FREM1: variants seen among roughly 807,000 people sequenced by gnomAD.
The protein encoded by FREM1 is FRAS1-related extracellular matrix protein 1.
Under a neutral mutation model 210.1 loss-of-function variants are expected in FREM1, and 220 were observed. The ratio of observed to expected loss-of-function variants is 1.05; its 90% CI spans 0.94 to 1.17. The LOEUF (loss-of-function observed/expected upper bound fraction) is 1.17. Among genes scored for constraint, FREM1 ranks in the 50% most tolerant of loss-of-function variants. The pLI, the probability that FREM1 is intolerant of heterozygous loss-of-function variation, is 0.00. For missense variants in FREM1, 3,454 were observed against 2,675.5 expected, an observed-to-expected ratio of 1.29 and a Z score of -6.42; for synonymous variants, 1,189 against 980.2, an observed-to-expected ratio of 1.21 and a Z score of -3.98.
chr9:14,758,453 T>C (rs756058027), intron 28 of FREM1, among the ~76,000 whole-genome samples: 1 of 152,006 alleles, frequency 6.6e-6, no homozygotes, highest in Admixed American at 6.5e-5. Context: ...TGGAAAACTA[T>C]AGGGCATGCC....
At chr9:14,828,910 T>G (rs1348316808) in intron 10 of FREM1, among the ~76,000 whole-genome samples, 1 of 152,210 alleles carries the variant, frequency 6.6e-6, no homozygotes, top group Non-Finnish European at 1.5e-5. Context: ...TAGTCCTGAG[T>G]ATACCACTTA....
At chr9:14,889,758 C>T (rs563792551) in intron 1 of FREM1, among the ~76,000 whole-genome samples, 9 of 152,076 alleles carry the variant, frequency 5.9e-5, no homozygotes, top group Non-Finnish European at 7.4e-5. Flanking sequence ...TTAGGTTGTC[C>T]GGGGCCTTGT....
intron 24 of FREM1, among the ~76,000 whole-genome samples, chr9:14,776,880 T>A (rs1188597639): frequency 2.0e-5 from 3 of 152,206 alleles, no homozygotes. Flanking sequence ...TCTAATCTCT[T>A]ATGGTTTACA....
rs571655575 is a variant in FREM1 at position 14,874,890 on chromosome 9, T to C, written c.-267-5646A>G. The stretch of plus-strand genomic sequence containing the variant: ...GGTGACAAAATCTCTCAGCATTTGC[T>C]TGTCTGTAAAGTGTTTTATTTCTCC... On this transcript the variant is annotated intron_variant, in intron 1 of 36. Transcript: ENST00000380880. Among the ~76,000 whole-genome samples the C allele has an allele frequency of 3.9e-5, 6 of 152,322 alleles. No individual in the cohort carries two copies. The East Asian group carries it at 1.2e-3, about 29-fold the overall frequency.
intron 1 of FREM1, among the ~76,000 whole-genome samples, chr9:14,882,361 A>G (rs1288550164): frequency 1.3e-5 from 2 of 152,118 alleles, no homozygotes; most frequent in African/African-American, 4.8e-5. Context: ...GGAGATATCT[A>G]TTCTTATGGC....
intron 10 of FREM1, among the ~76,000 whole-genome samples, chr9:14,829,151 G>A (rs1588220947): frequency 6.6e-6 from 1 of 152,142 alleles, no homozygotes; most frequent in East Asian, 1.9e-4. Context: ...ATTAATGTTT[G>A]CAAACTGAGT....
At chr9:14,844,090 C>CT (rs138068707) in intron 8 of FREM1, among the ~76,000 whole-genome samples, 3,960 of 152,256 alleles carry the variant, frequency 0.026, 104 homozygotes, top group African/African-American at 0.06. Flanking sequence ...CAAAGTAAAG[C>CT]TTAATAAATG....
chr9:14,756,456 G>GA lies in FREM1; in HGVS notation c.5335-11dup, dbSNP rs140882884. On this transcript the variant is annotated splice_polypyrimidine_tract_variant and intron_variant, in intron 28 of 36. Transcript: ENST00000380880. ...CTGACACTTGGTTGACCTTAGGAGG[G>GA]AAAAAAAAATCTTTTTAAGATAAAA... 7,234 of 1,519,116 alleles carry GA rather than the reference G, an allele frequency of 4.8e-3. 263 individuals carry two copies. In the African/African-American group the frequency reaches 0.082, roughly 17 times the overall value. The allele number at this position is 1,519,116 out of a possible 1,614,324, so 94.1% of individuals were successfully genotyped here.
At chr9:14,767,076 G>A (rs1490092136) in intron 27 of FREM1, among the ~76,000 whole-genome samples, 5 of 152,044 alleles carry the variant, frequency 3.3e-5, no homozygotes, top group South Asian at 4.1e-4. Context: ...TTGTAGTATC[G>A]CTCCCATTTT....
intron 1 of FREM1, among the ~76,000 whole-genome samples, chr9:14,899,437 A>T (rs1838373187): frequency 6.6e-6 from 1 of 152,230 alleles, no homozygotes; most frequent in South Asian, 2.1e-4. Flanking sequence ...CAGTGGGATT[A>T]AACGTGCTTC....
chr9:14,841,201 T>C (rs1825644881), intron 10 of FREM1, among the ~76,000 whole-genome samples: 1 of 152,334 alleles, frequency 6.6e-6, no homozygotes, highest in Admixed American at 6.5e-5. Context: ...TGTGAGTTGC[T>C]CTACATAAAA....
At chr9:14,781,863 C>T (rs1004479880) in intron 24 of FREM1, among the ~76,000 whole-genome samples, 4 of 152,324 alleles carry the variant, frequency 2.6e-5, no homozygotes, top group African/African-American at 9.6e-5. Flanking sequence ...GCCACCACTC[C>T]CAACTAATTT....
At chr9:14,794,737 T>G (rs972553531) in intron 21 of FREM1, among the ~76,000 whole-genome samples, 1 of 152,114 alleles carries the variant, frequency 6.6e-6, no homozygotes, top group Admixed American at 6.6e-5. Context: ...CAGTGCCTCA[T>G]GCCTGTAATC....
intron 27 of FREM1, 64 bp downstream of exon 27, chr9:14,769,660 T>G (rs1847162948): frequency 6.7e-7 from 1 of 1,495,152 alleles, no homozygotes; most frequent in Non-Finnish European, 9.1e-7. Flanking sequence ...CATTTCACTT[T>G]CCTAATATTC....
At chr9:14,862,807 T>C (rs1452542080) in intron 3 of FREM1, among the ~76,000 whole-genome samples, 1 of 152,198 alleles carries the variant, frequency 6.6e-6, no homozygotes, top group Non-Finnish European at 1.5e-5. Context: ...GTAGCCTTTA[T>C]CAGTGCTTCG....
Position 14,859,355 on chromosome 9 carries a change from C to A in FREM1, c.459G>T (p.Ala153=), listed in dbSNP as rs562673690. 3.6e-4 allele frequency: 574 copies of A among 1,613,848 alleles called. 8 individuals are homozygous for A. In the South Asian group the frequency reaches 6.0e-3, roughly 17 times the overall value. The change falls in exon 4 of 37, where the codon GCG becomes GCT. Residue 153 remains alanine, a synonymous_variant. Transcript: ENST00000380880. The part of the protein sequence containing the change: ...EVPEFNGLSQ[A]IDKNLLRFDY... ...CGAATCTGAGCAGATTTTTATCAATCGCTTGGGACAAGCCATTGAATTCAG... is the reference window on the plus strand; with the variant it reads ...CGAATCTGAGCAGATTTTTATCAATAGCTTGGGACAAGCCATTGAATTCAG...
rs1564098689 is a variant in FREM1 at position 14,860,557 on chromosome 9, A to ATGTG, written c.330-1074_330-1073insCACA. On this transcript the variant is annotated intron_variant, in intron 3 of 36. Transcript: ENST00000380880. ...TGTATATATATACACATATATATAC[A>ATGTG]CACATATATATACACATATATATAC... 1.6e-3 allele frequency among the ~76,000 whole-genome samples: 189 copies of ATGTG among 119,042 alleles called. 1 individual carries two copies. The highest frequency in any genetic ancestry group is 7.4e-3 in the African/African-American group (184 of 24,986). 78.1% of individuals were successfully genotyped at this position (119,042 alleles called of 152,430 possible).
chr9:14,772,987 A>T (rs1184974397), intron 25 of FREM1, among the ~76,000 whole-genome samples: 1 of 152,218 alleles, frequency 6.6e-6, no homozygotes, highest in African/African-American at 2.4e-5. Flanking sequence ...CGGTCCCGTC[A>T]TGTCTCTGGT....
intron 2 of FREM1, among the ~76,000 whole-genome samples, chr9:14,867,322 T>C (rs1831709151): frequency 6.6e-6 from 1 of 152,186 alleles, no homozygotes; most frequent in South Asian, 2.1e-4. Flanking sequence ...TCAAAACACA[T>C]TCAGAATGCA....
Sources: gnomAD v4.1 joint callset for allele counts (sites outside exome capture counted in the v4.1 genomes callset) on GRCh38, gnomAD v4.1.1 for gene constraint, MANE v1.5 for transcripts, NCBI Gene and HGNC (gene_info 2026-07-23, HGNC 2026-07-21) for gene names.